Variants in ZNF346 observed in about 807,000 individuals in gnomAD.
The protein encoded by ZNF346 is double-stranded RNA-binding zinc finger protein JAZ.
In ZNF346, 23 loss-of-function variants were observed where a neutral mutation model predicts 33.7. That is an observed-to-expected ratio of 0.68 (90% CI 0.49 to 0.97). The LOEUF (loss-of-function observed/expected upper bound fraction) is 0.97. Ranked by LOEUF, ZNF346 falls within the 50% of genes least tolerant of loss-of-function variation. ZNF346 has a pLI of 0.00. For synonymous variants in ZNF346, 134 were observed against 142.4 expected (o/e 0.94, Z 0.42); for missense variants, 340 against 371.1 (o/e 0.92, Z 0.69).
downstream of ZNF346, among the ~76,000 whole-genome samples, chr5:177,070,019 A>T (rs754585234): frequency 7.2e-5 from 11 of 152,216 alleles, no homozygotes; most frequent in Non-Finnish European, 1.3e-4. Context: ...TCATAAATAA[A>T]ACTGCTGTGA....
chr5:177,059,197 C>T (rs1021805301), intron 5 of ZNF346, among the ~76,000 whole-genome samples: 1 of 152,176 alleles, frequency 6.6e-6, no homozygotes, highest in Non-Finnish European at 1.5e-5. Context: ...TGATTTAATC[C>T]TGACAATAAC....
At position 177,028,496 on chromosome 5, in the gene ZNF346, T is replaced by TTATATATATATATATATA. The variant is rs150044807; in HGVS notation, c.175+5591_175+5608dup. ...TTCTCTCTTAAGCACTTGTGACGTT[T>TTATATATATATATATATA]TATATATATATATATATATATATAT... On this transcript the variant is annotated intron_variant, in intron 1 of 6. Transcript: ENST00000358149. Among the ~76,000 whole-genome samples, 454 of 90,456 alleles carry TTATATATATATATATATA rather than the reference T, an allele frequency of 5.0e-3. 12 individuals carry two copies. The highest frequency in any genetic ancestry group is 0.013 in the East Asian group (44 of 3,348). The allele number at this position is 90,456 out of a possible 152,430, so 59.3% of individuals were successfully genotyped here. A position where few individuals can be genotyped will look rare whatever the true frequency, so the allele number is the denominator to read the frequency against.
intron 5 of ZNF346, among the ~76,000 whole-genome samples, chr5:177,058,327 C>T (rs1162325418): frequency 2.6e-5 from 4 of 151,424 alleles, no homozygotes; most frequent in African/African-American, 2.4e-5. Context: ...CAAAATTAGC[C>T]GGGCGTAGTG....
chr5:177,050,621 C>T, intron 4 of ZNF346, 130 bp from the exon 5 acceptor site: 1 of 929,926 alleles, frequency 1.1e-6, no homozygotes. Context: ...ACTGGTGTCA[C>T]AGCCCTTTCT....
rs767452375 is a variant in ZNF346 at position 177,022,715 on chromosome 5, T to A, written c.-24T>A. On this transcript the variant is annotated 5_prime_UTR_variant, in exon 1 of 7. Coordinates refer to ENST00000358149, the MANE Select transcript of ZNF346 (RefSeq NM_012279.4). ...ATACCTAGGCGCCTGAGAGGCTCTC[T>A]ACCGGTGAGGGTTTGCGGGGAAGAT... 1.3e-6 allele frequency: 2 copies of A among 1,533,568 alleles called. No individual in the cohort carries two copies. The highest frequency in any genetic ancestry group is 5.1e-5 in the East Asian group (2 of 39,040). 95.0% of individuals were successfully genotyped at this position (1,533,568 alleles called of 1,614,324 possible).
intron 4 of ZNF346, among the ~76,000 whole-genome samples, chr5:177,046,313 A>C (rs1290512445): frequency 6.6e-6 from 1 of 151,868 alleles, no homozygotes. Context: ...AAAAAAAAAA[A>C]AAAAAACCAA....
chr5:177,064,095 AGACCT>A (rs1157462324), intron 6 of ZNF346, among the ~76,000 whole-genome samples: 2 of 152,196 alleles, frequency 1.3e-5, no homozygotes, highest in African/African-American at 4.8e-5. Flanking sequence ...ACTTGCAGTT[AGACCT>A]GGGATTCAAG....
intron 1 of ZNF346, among the ~76,000 whole-genome samples, chr5:177,028,494 TTTTATATATATATA>T (rs992115448): frequency 2.2e-5 from 1 of 46,010 alleles, no homozygotes; most frequent in African/African-American, 5.8e-5. Context: ...ACTTGTGACG[TTTTATATATATATA>T]TATATATATA....
At chr5:177,042,494 T>G (rs1779462826) in intron 3 of ZNF346, among the ~76,000 whole-genome samples, 1 of 151,654 alleles carries the variant, frequency 6.6e-6, no homozygotes, top group African/African-American at 2.4e-5. Flanking sequence ...TTAACCTCTG[T>G]GAACTTCCCC....
chr5:177,063,005 G>A (rs1448779243), intron 6 of ZNF346, among the ~76,000 whole-genome samples: 1 of 152,002 alleles, frequency 6.6e-6, no homozygotes, highest in East Asian at 1.9e-4. Flanking sequence ...GGCCCACATG[G>A]TTCTGTCCCT....
intron 1 of ZNF346, among the ~76,000 whole-genome samples, chr5:177,039,744 C>T (rs1378669879): frequency 6.6e-6 from 1 of 152,192 alleles, no homozygotes; most frequent in Non-Finnish European, 1.5e-5. Context: ...TCCCAAAATG[C>T]TGGGATTACA....
In ZNF346 at chr5:177,077,111, A is replaced by G. The variant is rs1783788005; in HGVS notation, c.*3-2271A>G. On this transcript the variant is annotated intron_variant, in intron 8 of 8. Transcript: ENST00000503039. The surrounding 1 kb of genome is among the most constrained non-coding windows in gnomAD (Gnocchi z 5.0). ...TTCTTTAACACCAATAGTCAGCCAA[A>G]TATTTGTTATGTAAAGTCGTTAAGT... 6.6e-6 allele frequency among the ~76,000 whole-genome samples: 1 copy of G among 152,240 alleles called. No individual in the cohort carries two copies. The highest frequency in any genetic ancestry group is 6.5e-5 in the Admixed American group (1 of 15,268).
intron 1 of ZNF346, among the ~76,000 whole-genome samples, chr5:177,034,408 T>A (rs1232978417): frequency 6.6e-6 from 1 of 151,986 alleles, no homozygotes. Flanking sequence ...TGGTTTTTTG[T>A]AAAGACAGGG....
intron 1 of ZNF346, among the ~76,000 whole-genome samples, chr5:177,025,997 ATT>A (rs35918647): frequency 6.1e-5 from 9 of 148,144 alleles, no homozygotes; most frequent in South Asian, 2.1e-4. Flanking sequence ...TATTATTATT[ATT>A]TTTTTTTTTG....
At chr5:177,041,924 G>A in intron 3 of ZNF346, 54 bp downstream of exon 3, 1 of 1,226,504 alleles carries the variant, frequency 8.2e-7, no homozygotes, top group South Asian at 1.3e-5. Flanking sequence ...CCAGCCAGCA[G>A]GTTGGTGTGG....
chr5:177,043,144 G>T (rs1008548889), intron 3 of ZNF346, among the ~76,000 whole-genome samples: 10 of 152,044 alleles, frequency 6.6e-5, no homozygotes, highest in Admixed American at 5.9e-4. Flanking sequence ...GAGCCACTGC[G>T]CCCAGCCGCC....
intron 5 of ZNF346, among the ~76,000 whole-genome samples, chr5:177,057,981 C>T (rs1039941222): frequency 6.7e-6 from 1 of 150,150 alleles, no homozygotes; most frequent in African/African-American, 2.4e-5. Context: ...ACCACCACGG[C>T]CAGCTAATTT....
At chr5:177,068,405 G>A (rs972594128), downstream of ZNF346, among the ~76,000 whole-genome samples, 9 of 144,106 alleles carry the variant, frequency 6.2e-5, 1 homozygote, top group African/African-American at 1.5e-4. Flanking sequence ...ACCCAGACTC[G>A]GAGATGGTCT....
intron 8 of ZNF346, among the ~76,000 whole-genome samples, chr5:177,078,638 G>A (rs1379556543): frequency 6.6e-6 from 1 of 152,192 alleles, no homozygotes; most frequent in African/African-American, 2.4e-5. Context: ...CTGGCCGGGC[G>A]TAATAGCTAG....
Sources: allele counts gnomAD v4.1 joint callset (sites outside exome capture counted in the v4.1 genomes callset), GRCh38; gene constraint gnomAD v4.1.1; non-coding constraint Gnocchi (gnomAD v3.1); transcripts MANE v1.5; gene names NCBI Gene and HGNC (gene_info 2026-07-23, HGNC 2026-07-21).